TTC27: variants seen among roughly 807,000 people sequenced by gnomAD.
TTC27 encodes tetratricopeptide repeat domain 27.
A neutral mutation model predicts 115.9 loss-of-function variants in TTC27; 79 were observed. That is an observed-to-expected ratio of 0.68 (90% CI 0.57 to 0.82). The LOEUF is 0.82. Ranked by LOEUF, TTC27 falls within the 40% of genes least tolerant of loss-of-function variation. TTC27 has a pLI of 0.00. For missense variants in TTC27, 1,054 were observed against 993.1 expected (o/e 1.06, Z -0.82); for synonymous variants, 401 against 356.0 (o/e 1.13, Z -1.42).
At chr2:32,639,517 C>T (rs1236246358) in intron 3 of TTC27, among the ~76,000 whole-genome samples, 1 of 152,058 alleles carries the variant, frequency 6.6e-6, no homozygotes, top group East Asian at 1.9e-4. Flanking sequence ...AGACTTACTT[C>T]ATAATGACAT....
intron 10 of TTC27, among the ~76,000 whole-genome samples, chr2:32,716,249 C>T (rs1421397392): frequency 6.6e-6 from 1 of 152,208 alleles, no homozygotes; most frequent in African/African-American, 2.4e-5. Flanking sequence ...TTCCAGCAGC[C>T]ATATGTCACT....
At chr2:32,755,456 G>A (rs927503887) in intron 12 of TTC27, among the ~76,000 whole-genome samples, 3 of 152,252 alleles carry the variant, frequency 2.0e-5, no homozygotes, top group African/African-American at 7.2e-5. Flanking sequence ...GGCAGCGCGT[G>A]CCTGCAATCG....
intron 7 of TTC27, among the ~76,000 whole-genome samples, chr2:32,667,485 C>T (rs909813974): frequency 1.1e-4 from 16 of 147,538 alleles, no homozygotes; most frequent in Non-Finnish European, 1.6e-4. Context: ...GGCGTAATCT[C>T]GGCTCAATGC....
intron 13 of TTC27, among the ~76,000 whole-genome samples, chr2:32,767,999 A>G (rs1320362933): frequency 6.6e-6 from 1 of 152,224 alleles, no homozygotes; most frequent in Non-Finnish European, 1.5e-5. Context: ...GAAAAAATAA[A>G]AAATACTAAG....
intron 12 of TTC27, among the ~76,000 whole-genome samples, chr2:32,751,778 T>A (rs1247315628): frequency 1.3e-5 from 2 of 152,244 alleles, no homozygotes; most frequent in Admixed American, 1.3e-4. Context: ...TTCAGAGTCC[T>A]TCCTGAATGG....
chr2:32,668,376 G>GAAAAAA (rs112747168), intron 7 of TTC27, among the ~76,000 whole-genome samples: 1 of 100,110 alleles, frequency 1.0e-5, no homozygotes, highest in Non-Finnish European at 2.1e-5. Flanking sequence ...AACTCCCTTT[G>GAAAAAA]AAAAAAAAAA....
intron 9 of TTC27, among the ~76,000 whole-genome samples, chr2:32,689,942 A>G (rs971897592): frequency 1.3e-5 from 2 of 152,202 alleles, no homozygotes; most frequent in Non-Finnish European, 2.9e-5. Flanking sequence ...TACTATTTTA[A>G]GTAGAATCTA....
intron 4 of TTC27, among the ~76,000 whole-genome samples, chr2:32,649,677 C>G (rs966772424): frequency 6.6e-6 from 1 of 151,816 alleles, no homozygotes; most frequent in Non-Finnish European, 1.5e-5. Context: ...TCCCGAGTAG[C>G]TGGGACTACA....
intron 10 of TTC27, among the ~76,000 whole-genome samples, chr2:32,726,691 C>T (rs1340482991): frequency 6.6e-6 from 1 of 152,240 alleles, no homozygotes; most frequent in African/African-American, 2.4e-5. Context: ...TCCAAAGTTG[C>T]TTCCACATTT....
At chr2:32,716,688 T>C (rs1667762357) in intron 10 of TTC27, among the ~76,000 whole-genome samples, 1 of 152,076 alleles carries the variant, frequency 6.6e-6, no homozygotes, top group Non-Finnish European at 1.5e-5. Flanking sequence ...ATGTTTGTTC[T>C]ATATGTTTTT....
At chr2:32,780,863 T>G (rs1187458366) in intron 14 of TTC27, among the ~76,000 whole-genome samples, 9 of 148,530 alleles carry the variant, frequency 6.1e-5, no homozygotes, top group East Asian at 2.0e-4. Flanking sequence ...TTTTTTTTTT[T>G]TGTGGACTCC....
At chr2:32,765,057 T>TC (rs1202189724) in intron 13 of TTC27, among the ~76,000 whole-genome samples, 1 of 152,222 alleles carries the variant, frequency 6.6e-6, no homozygotes, top group Non-Finnish European at 1.5e-5. Context: ...TTTGACTTCC[T>TC]CCCATGAATC....
intron 2 of TTC27, among the ~76,000 whole-genome samples, chr2:32,632,742 A>G (rs765953113): frequency 6.6e-6 from 1 of 151,824 alleles, no homozygotes; most frequent in African/African-American, 2.4e-5. Context: ...GAAAAAAGTG[A>G]TTACTAATAC....
At chr2:32,757,809 T>C (rs1669288204) in intron 12 of TTC27, among the ~76,000 whole-genome samples, 1 of 152,190 alleles carries the variant, frequency 6.6e-6, no homozygotes, top group Non-Finnish European at 1.5e-5. Flanking sequence ...TTCTCCTGCC[T>C]CAGCCTCCCA....
At chr2:32,701,837 T>C (rs1275692330) in intron 9 of TTC27, among the ~76,000 whole-genome samples, 1 of 151,782 alleles carries the variant, frequency 6.6e-6, no homozygotes, top group Non-Finnish European at 1.5e-5. Context: ...AGATCCTGTC[T>C]CTACAAAAAA....
Position 32,683,946 on chromosome 2 carries a change from T to C in TTC27, c.1119+5024T>C, listed in dbSNP as rs183526812. 4.6e-5 allele frequency among the ~76,000 whole-genome samples: 7 copies of C among 152,018 alleles called. No homozygotes were observed. The East Asian group carries it at 9.7e-4, about 21-fold the overall frequency. ...CAAGGTGGGCAGATCACAAGGTCAG[T>C]AGTTTGTGACCCGCCTGGCCAACAT... On this transcript the variant is annotated intron_variant, in intron 9 of 19. Transcript: ENST00000317907.
intron 18 of TTC27, 112 bp from the exon 19 acceptor site, chr2:32,817,345 G>A (rs1671537253): frequency 1.3e-6 from 1 of 773,422 alleles, no homozygotes. Flanking sequence ...CCAGGTAGAA[G>A]TGTTTCTAAA....
At chr2:32,767,888 C>G in intron 13 of TTC27, among the ~76,000 whole-genome samples, 1 of 151,944 alleles carries the variant, frequency 6.6e-6, no homozygotes, top group East Asian at 1.9e-4. Flanking sequence ...ATTGTGTCCC[C>G]TAGAAAAGAG....
intron 13 of TTC27, among the ~76,000 whole-genome samples, chr2:32,775,144 A>C (rs1369907032): frequency 1.3e-5 from 2 of 152,232 alleles, no homozygotes; most frequent in African/African-American, 4.8e-5. Flanking sequence ...AAATCTTCTT[A>C]GATGGATTTA....
Sources: allele counts gnomAD v4.1 joint callset (sites outside exome capture counted in the v4.1 genomes callset), GRCh38; gene constraint gnomAD v4.1.1; transcripts MANE v1.5; gene names NCBI Gene and HGNC (gene_info 2026-07-23, HGNC 2026-07-21).